DMD: variants seen among roughly 807,000 people sequenced by gnomAD.
DMD encodes mutant dystrophin.
Under a neutral mutation model 330.1 loss-of-function variants are expected in DMD, and 63 were observed. That is an observed-to-expected ratio of 0.19 (90% CI 0.16 to 0.24). The LOEUF (loss-of-function observed/expected upper bound fraction) is 0.24. DMD is among the 10% of genes least tolerant of loss of function. The pLI is 1.00. For missense variants in DMD, 3,344 were observed against 2,684.1 expected, an observed-to-expected ratio of 1.25 and a Z score of -5.43; for synonymous variants, 1,223 against 959.8, an observed-to-expected ratio of 1.27 and a Z score of -5.07.
At chrX:32,238,027 A>G (rs1339905401) in intron 43 of DMD, among the ~76,000 whole-genome samples, 1 of 112,040 alleles carries the variant, frequency 8.9e-6, no homozygotes, top group African/African-American at 3.2e-5. Context: ...TTGGTAGAGT[A>G]TATTTTTGAA....
intron 55 of DMD, among the ~76,000 whole-genome samples, chrX:31,554,088 T>C (rs1473898854): frequency 8.9e-6 from 1 of 112,560 alleles, no homozygotes; most frequent in African/African-American, 3.2e-5. Context: ...GATATTTTTT[T>C]CAGTCATGCT....
rs137913984 is a variant in DMD at position 31,419,237 on chromosome X, C to T, written c.9084+25244G>A. 6.3e-4 allele frequency among the ~76,000 whole-genome samples: 65 copies of T among 103,538 alleles called. 1 individual carries two copies. In the East Asian group the frequency reaches 0.017, roughly 28 times the overall value. 89.9% of individuals were successfully genotyped at this position (103,538 alleles called of 115,157 possible). On this transcript the variant is annotated intron_variant, in intron 60 of 78. Transcript: ENST00000357033. ...GGGATTACAGGTGTGAGCCACATTG[C>T]CTGGCCTACTAGATACTGTTAAGGC...
chrX:32,780,112 C>T (rs759118089), intron 7 of DMD, among the ~76,000 whole-genome samples: 126 of 111,801 alleles, frequency 1.1e-3, no homozygotes, highest in African/African-American at 3.9e-3. Flanking sequence ...ATTGCTTTAG[C>T]ATACTCAATA....
chrX:31,335,660 C>T, intron 61 of DMD, among the ~76,000 whole-genome samples: 1 of 112,313 alleles, frequency 8.9e-6, no homozygotes, highest in Non-Finnish European at 1.9e-5. Context: ...ATAATCACTA[C>T]TTATCCTGAA....
chrX:31,448,767 C>T (rs1009583320), intron 59 of DMD, among the ~76,000 whole-genome samples: 7 of 111,467 alleles, frequency 6.3e-5, no homozygotes, highest in African/African-American at 2.0e-4. Flanking sequence ...AAAGAGCAAA[C>T]CAAGTCTAAT....
At chrX:32,707,351 C>A (rs2064768572) in intron 7 of DMD, among the ~76,000 whole-genome samples, 2 of 111,882 alleles carry the variant, frequency 1.8e-5, no homozygotes, top group Non-Finnish European at 3.8e-5. Flanking sequence ...TAAAAGCCCT[C>A]TTCGCTGGGA....
intron 44 of DMD, among the ~76,000 whole-genome samples, chrX:32,046,215 A>G (rs2096063499): frequency 8.9e-6 from 1 of 112,509 alleles, no homozygotes; most frequent in South Asian, 3.6e-4. Context: ...AGCATCAGCT[A>G]TGTTATAGTT....
chrX:32,764,680 T>C (rs1410628582), intron 7 of DMD, among the ~76,000 whole-genome samples: 2 of 112,213 alleles, frequency 1.8e-5, no homozygotes, highest in Non-Finnish European at 3.8e-5. Context: ...TGTTTATCCA[T>C]TCATCTTCAG....
chrX:31,421,932 T>TAC (rs1230087249), intron 60 of DMD, among the ~76,000 whole-genome samples: 3 of 82,611 alleles, frequency 3.6e-5, no homozygotes, highest in South Asian at 5.2e-4. Context: ...TATATATATA[T>TAC]ACACACACAC....
intron 47 of DMD, among the ~76,000 whole-genome samples, chrX:31,914,577 T>C (rs191511371): frequency 8.9e-6 from 1 of 112,403 alleles, no homozygotes; most frequent in East Asian, 2.8e-4. Flanking sequence ...TCCTGTCATT[T>C]GCAACAACAT....
chrX:31,358,519 C>T (rs1412772622), intron 60 of DMD, among the ~76,000 whole-genome samples: 2 of 112,206 alleles, frequency 1.8e-5, no homozygotes, highest in Non-Finnish European at 3.8e-5. Flanking sequence ...TAGCCCCAGG[C>T]TTTGTGCCTT....
intron 67 of DMD, among the ~76,000 whole-genome samples, chrX:31,193,781 C>T (rs954674344): frequency 4.5e-5 from 5 of 111,270 alleles, no homozygotes; most frequent in African/African-American, 1.3e-4. Flanking sequence ...ATCATCTTAT[C>T]GTCTTTTGGC....
intron 30 of DMD, among the ~76,000 whole-genome samples, chrX:32,411,358 T>C (rs1467824416): frequency 9.0e-6 from 1 of 110,931 alleles, no homozygotes; most frequent in Non-Finnish European, 1.9e-5. Flanking sequence ...CTTGAACTCC[T>C]GACATTGTGA....
chrX:33,085,896 C>A (rs1486769045), intron 1 of DMD: 1 of 111,915 alleles, frequency 8.9e-6, no homozygotes, highest in Non-Finnish European at 1.9e-5. Flanking sequence ...TATGGTAATA[C>A]TTACTATGCA....
At chrX:32,548,380 T>C (rs911568103) in intron 16 of DMD, among the ~76,000 whole-genome samples, 5 of 111,932 alleles carry the variant, frequency 4.5e-5, no homozygotes, top group African/African-American at 1.6e-4. Context: ...TTCTCTCAGC[T>C]AGCATTTTAA....
chrX:32,451,671 G>A (rs1403732678), intron 26 of DMD, among the ~76,000 whole-genome samples: 1 of 110,638 alleles, frequency 9.0e-6, no homozygotes, highest in East Asian at 2.9e-4. Flanking sequence ...GAGTATCAGG[G>A]AGAGATGTCA....
intron 2 of DMD, among the ~76,000 whole-genome samples, chrX:32,969,606 A>G (rs139573124): frequency 1.1e-5 from 1 of 94,590 alleles, no homozygotes; most frequent in Non-Finnish European, 2.0e-5. Flanking sequence ...TTTATTATGT[A>G]TGTATTTATA....
chrX:31,474,657 C>T (rs1454125395), intron 59 of DMD, among the ~76,000 whole-genome samples: 1 of 101,941 alleles, frequency 9.8e-6, no homozygotes, highest in Non-Finnish European at 2.0e-5. Flanking sequence ...TGCAGTGAGC[C>T]GAGATAGCAC....
At chrX:32,423,062 C>T (rs1372680219) in intron 29 of DMD, among the ~76,000 whole-genome samples, 4 of 110,522 alleles carry the variant, frequency 3.6e-5, no homozygotes, top group South Asian at 7.5e-4. Flanking sequence ...TGAAAAGGTA[C>T]ATTGATAAAC....
Sources: allele counts gnomAD v4.1 joint callset (sites outside exome capture counted in the v4.1 genomes callset), GRCh38; gene constraint gnomAD v4.1.1; transcripts MANE v1.5; gene names NCBI Gene and HGNC (gene_info 2026-07-23, HGNC 2026-07-21).